CFAP57: variants seen among roughly 807,000 people sequenced by gnomAD.
The protein encoded by CFAP57 is cilia- and flagella-associated protein 57.
A neutral mutation model predicts 146.8 loss-of-function variants in CFAP57; 116 were observed. The ratio of observed to expected loss-of-function variants is 0.79; its 90% CI spans 0.68 to 0.92. The LOEUF (loss-of-function observed/expected upper bound fraction) is 0.92, where lower values mean the gene tolerates loss of function less well. CFAP57 is among the 40% of genes least tolerant of loss of function. CFAP57 has a pLI of 0.00. For synonymous variants in CFAP57, 518 were observed against 552.8 expected, an observed-to-expected ratio of 0.94 and a Z score of 0.88; for missense variants, 1,377 against 1,527.2, an observed-to-expected ratio of 0.90 and a Z score of 1.64.
chr1:43,226,343 A>G (rs1645241811), intron 17 of CFAP57, among the ~76,000 whole-genome samples: 1 of 152,206 alleles, frequency 6.6e-6, no homozygotes, highest in South Asian at 2.1e-4. Flanking sequence ...GAAGATCAAC[A>G]TCCAATGTGG....
At chr1:43,194,107 A>G (rs1434774478) in intron 6 of CFAP57, among the ~76,000 whole-genome samples, 1 of 152,068 alleles carries the variant, frequency 6.6e-6, no homozygotes, top group Non-Finnish European at 1.5e-5. Context: ...CTTGCTTTCA[A>G]CCTAAAGGAT....
chr1:43,234,551 G>A lies in CFAP57; in HGVS notation c.3318G>A (p.Glu1106=), dbSNP rs544184490. Residue 1106 remains glutamate (E), a synonymous_variant, in exon 21 of 23, where the codon GAG becomes GAA. Coordinates refer to ENST00000372492, the MANE Select transcript of CFAP57 (RefSeq NM_001378189.1). The part of the protein sequence containing the change: ...DLQQEYTRQR[E]HLERNLATLK... ...AGCAGGAGTACACCCGGCAGCGGGA[G>A]CACCTGGAGAGGAACCTGGCCACTC... 5,706 of 1,550,476 alleles carry A rather than the reference G, an allele frequency of 3.7e-3. 13 individuals are homozygous for A. Among genetic ancestry groups the A allele is most frequent in the Non-Finnish European group, 4.5e-3 (5,211 of 1,146,958 alleles).
At chr1:43,253,123 G>A (rs746903561) in intron 22 of CFAP57, among the ~76,000 whole-genome samples, 2 of 152,190 alleles carry the variant, frequency 1.3e-5, no homozygotes, top group Non-Finnish European at 2.9e-5. Flanking sequence ...GGAGGACAGG[G>A]CAACTAGAAC....
chr1:43,227,094 G>A lies in CFAP57; in HGVS notation c.2977G>A (p.Glu993Lys). Residue 993 changes from glutamate to lysine, a missense_variant, in exon 18 of 23, where the codon GAG becomes AAG. Physicochemically the swap from Glu to Lys is moderately conservative, Grantham distance 56. Coordinates refer to ENST00000372492, the MANE Select transcript of CFAP57 (RefSeq NM_001378189.1). ...GAAGCAAATAGAACCTCGAGAGAAT[G>A]AGATCAGGGTGATGAAGGAACAGAT... Reference protein sequence around the residue: ...LKKQIEPRENEIRVMKEQIQE... With the variant: ...LKKQIEPRENKIRVMKEQIQE... The A allele has an allele frequency of 6.5e-7, 1 of 1,543,724 alleles. No individual in the cohort carries two copies. Among genetic ancestry groups the A allele is most frequent in the East Asian group, 2.5e-5 (1 of 40,536 alleles).
chr1:43,250,105 A>G (rs542017016), intron 22 of CFAP57: 1 of 152,478 alleles, frequency 6.6e-6, no homozygotes, highest in East Asian at 1.9e-4. Context: ...CTAACGTATG[A>G]GTGCTCTTTT....
At chr1:43,191,511 C>T (rs545604098) in intron 6 of CFAP57, among the ~76,000 whole-genome samples, 6 of 147,022 alleles carry the variant, frequency 4.1e-5, no homozygotes, top group South Asian at 4.2e-4. Flanking sequence ...GGCGTGAACC[C>T]GGGAAGCAGG....
At chr1:43,233,662 A>G (rs1357331031) in intron 19 of CFAP57, among the ~76,000 whole-genome samples, 1 of 152,170 alleles carries the variant, frequency 6.6e-6, no homozygotes, top group Non-Finnish European at 1.5e-5. Flanking sequence ...AGTTATATTG[A>G]GAGGTAGAAA....
chr1:43,181,481 C>A (rs1206000043), intron 2 of CFAP57, 53 bp from the exon 3 acceptor site: 3 of 1,604,878 alleles, frequency 1.9e-6, no homozygotes, highest in Non-Finnish European at 2.6e-6. Flanking sequence ...TCCTGTTGAA[C>A]CCTGGTGAAA....
chr1:43,217,044 A>G (rs1408582200), intron 12 of CFAP57, among the ~76,000 whole-genome samples: 1 of 152,244 alleles, frequency 6.6e-6, no homozygotes, highest in African/African-American at 2.4e-5. Context: ...GCCAGAGGAC[A>G]TGAGCCTTGC....
At chr1:43,173,801 T>TCATCTATTCATC (rs1645069340) in intron 2 of CFAP57, among the ~76,000 whole-genome samples, 1 of 152,256 alleles carries the variant, frequency 6.6e-6, no homozygotes, top group Non-Finnish European at 1.5e-5. Flanking sequence ...ATTCATCTAT[T>TCATCTATTCATC]TGTGCAGATT....
intron 21 of CFAP57, 43 bp downstream of exon 21, chr1:43,234,681 C>T (rs934095968): frequency 1.5e-5 from 23 of 1,521,302 alleles, no homozygotes; most frequent in Non-Finnish European, 1.9e-5. Flanking sequence ...GCCAAGCCAT[C>T]CAAGATGAGA....
At chr1:43,246,082 G>T (rs972107136) in intron 22 of CFAP57, among the ~76,000 whole-genome samples, 2 of 152,176 alleles carry the variant, frequency 1.3e-5, no homozygotes, top group Admixed American at 1.3e-4. Context: ...AAGACTTGTC[G>T]TTAAGATGTC....
In CFAP57 at chr1:43,180,780, C is replaced by T. The variant is rs1023242994; in HGVS notation, c.158-754C>T. ...GGAATCCAGTAGTTGGCATCCCAAC[C>T]TCTGGAGTAGAGGAGGAGTGATGAG... On this transcript the variant is annotated intron_variant, in intron 2 of 22. Coordinates refer to ENST00000372492, the MANE Select transcript of CFAP57 (RefSeq NM_001378189.1). 5.3e-5 allele frequency among the ~76,000 whole-genome samples: 8 copies of T among 152,218 alleles called. No individual in the cohort carries two copies. The South Asian group carries it at 6.2e-4, about 12-fold the overall frequency.
At chr1:43,174,748 A>G (rs1298063984) in intron 2 of CFAP57, among the ~76,000 whole-genome samples, 4 of 152,206 alleles carry the variant, frequency 2.6e-5, no homozygotes, top group Non-Finnish European at 5.9e-5. Context: ...CCCGGGAGGC[A>G]GAGGTTGTGG....
rs552543631 is a variant in CFAP57 at position 43,248,951 on chromosome 1, G to A, written c.3539-5026G>A. ...GGCTGGAGTGCAGTGGCGTGATCTCGGCTCAGTGCAAGCTCCGCCTCCCGG... is the reference window on the plus strand; with the variant it reads ...GGCTGGAGTGCAGTGGCGTGATCTCAGCTCAGTGCAAGCTCCGCCTCCCGG... On this transcript the variant is annotated intron_variant, in intron 22 of 22. Coordinates refer to ENST00000372492, the MANE Select transcript of CFAP57 (RefSeq NM_001378189.1). 4.6e-5 allele frequency among the ~76,000 whole-genome samples: 7 copies of A among 151,640 alleles called. No homozygotes were observed. The East Asian group carries it at 9.7e-4, about 21-fold the overall frequency.
At chr1:43,215,657 A>G (rs1644805762) in intron 12 of CFAP57, among the ~76,000 whole-genome samples, 1 of 152,184 alleles carries the variant, frequency 6.6e-6, no homozygotes, top group Non-Finnish European at 1.5e-5. Flanking sequence ...CTTTGCTTTT[A>G]TTCTGTGATC....
At chr1:43,218,085 G>C (rs1194377422) in intron 12 of CFAP57, among the ~76,000 whole-genome samples, 1 of 152,222 alleles carries the variant, frequency 6.6e-6, no homozygotes, top group Non-Finnish European at 1.5e-5. Context: ...CAGGAATGCA[G>C]AAATGTGCGT....
intron 11 of CFAP57, among the ~76,000 whole-genome samples, chr1:43,211,834 A>G (rs1457138530): frequency 7.2e-5 from 11 of 152,180 alleles, no homozygotes; most frequent in African/African-American, 1.4e-4. Flanking sequence ...GCAATTAGGC[A>G]TTTAAATTAT....
At chr1:43,203,195 AACAAG>A (rs1367329599) in intron 9 of CFAP57, among the ~76,000 whole-genome samples, 3 of 151,914 alleles carry the variant, frequency 2.0e-5, no homozygotes, top group Non-Finnish European at 4.4e-5. Flanking sequence ...AACAAAACAA[AACAAG>A]AAGAATCTGT....
Sources: gnomAD v4.1 joint callset for allele counts (sites outside exome capture counted in the v4.1 genomes callset) on GRCh38, gnomAD v4.1.1 for gene constraint, MANE v1.5 for transcripts, NCBI Gene and HGNC (gene_info 2026-07-23, HGNC 2026-07-21) for gene names.